Variants in RSRC1 observed in about 807,000 individuals in gnomAD.
The protein encoded by RSRC1 is serine/Arginine-related protein 53.
A neutral mutation model predicts 49.1 loss-of-function variants in RSRC1; 39 were observed. The ratio of observed to expected loss-of-function variants is 0.79; its 90% CI spans 0.61 to 1.04. RSRC1 has a LOEUF of 1.04. Ranked by LOEUF, RSRC1 falls within the 50% of genes least tolerant of loss-of-function variation. RSRC1 has a pLI of 0.00. For synonymous variants in RSRC1, 143 were observed against 130.8 expected (o/e 1.09, Z -0.63); for missense variants, 388 against 402.4 (o/e 0.96, Z 0.31).
chr3:158,351,309 A>G (rs1444274893), intron 5 of RSRC1, among the ~76,000 whole-genome samples: 1 of 152,206 alleles, frequency 6.6e-6, no homozygotes, highest in Non-Finnish European at 1.5e-5. Flanking sequence ...TATTCATTCA[A>G]CTTATTCACC....
In RSRC1 at chr3:158,118,462, TGC is replaced by T. The variant is rs1378375739; in HGVS notation, c.-2-3637_-2-3636del. Reference sequence around the variant, plus strand: ...GTGTGTGTGTGTGTGTGTGTGTGTGTGCGCGTGCGCGTGGTTTTTTTAAATTG... The same window carrying T: ...GTGTGTGTGTGTGTGTGTGTGTGTGTGCGTGCGCGTGGTTTTTTTAAATTG... On this transcript the variant is annotated intron_variant, in intron 1 of 9. Coordinates refer to ENST00000611884, the MANE Select transcript of RSRC1 (RefSeq NM_001271838.2). Among the ~76,000 whole-genome samples the T allele has an allele frequency of 3.3e-3, 406 of 124,700 alleles. 5 individuals are homozygous for T. The highest frequency in any genetic ancestry group is 9.9e-3 in the African/African-American group (300 of 30,244). The allele number at this position is 124,700 out of a possible 152,430, so 81.8% of individuals were successfully genotyped here. A position where few individuals can be genotyped will look rare whatever the true frequency, so the allele number is the denominator to read the frequency against.
At chr3:158,236,428 T>C (rs1287178537) in intron 4 of RSRC1, among the ~76,000 whole-genome samples, 1 of 152,226 alleles carries the variant, frequency 6.6e-6, no homozygotes, top group Non-Finnish European at 1.5e-5. Flanking sequence ...AACCCACACC[T>C]TATCTCTTTT....
chr3:158,509,266 G>GT (rs1430556377), intron 7 of RSRC1, among the ~76,000 whole-genome samples: 2 of 152,074 alleles, frequency 1.3e-5, no homozygotes, highest in Non-Finnish European at 2.9e-5. Flanking sequence ...GTTTTTAACT[G>GT]TTTTTATTAA....
At chr3:158,169,569 TCTC>T (rs1718748286) in intron 3 of RSRC1, among the ~76,000 whole-genome samples, 1 of 152,142 alleles carries the variant, frequency 6.6e-6, no homozygotes, top group Non-Finnish European at 1.5e-5. Flanking sequence ...TCTTTAAACT[TCTC>T]CTAGAGTACA....
chr3:158,330,028 C>T (rs543766022), intron 5 of RSRC1, among the ~76,000 whole-genome samples: 2 of 152,326 alleles, frequency 1.3e-5, no homozygotes, highest in South Asian at 2.1e-4. Context: ...TTGGACCCTC[C>T]GAGCCAGGCG....
intron 4 of RSRC1, among the ~76,000 whole-genome samples, chr3:158,252,710 G>C (rs192815801): frequency 1.5e-4 from 23 of 152,260 alleles, no homozygotes; most frequent in Admixed American, 1.0e-3. Flanking sequence ...AAGCCATTGA[G>C]TCATGGGCTT....
At chr3:158,310,967 A>C (rs1274964481) in intron 5 of RSRC1, among the ~76,000 whole-genome samples, 1 of 151,586 alleles carries the variant, frequency 6.6e-6, no homozygotes, top group Non-Finnish European at 1.5e-5. Context: ...ATACTAATCT[A>C]CTCTCCTCGT....
At chr3:158,524,286 A>T (rs565682828) in intron 7 of RSRC1, among the ~76,000 whole-genome samples, 1 of 152,130 alleles carries the variant, frequency 6.6e-6, no homozygotes, top group South Asian at 2.1e-4. Flanking sequence ...AGTCCTCTTC[A>T]ATTAGGGCAC....
chr3:158,165,433 CT>C lies in RSRC1; in HGVS notation c.321-37638del, dbSNP rs2108230577. Among the ~76,000 whole-genome samples, 3 of 152,274 alleles carry C rather than the reference CT, an allele frequency of 2.0e-5. No homozygotes were observed. The East Asian group carries it at 5.8e-4, about 29-fold the overall frequency. ...CACCAAAATGACTGCCTAATTATTT[CT>C]AATTGGCAGGACTCTGTGTAGTCAT... On this transcript the variant is annotated intron_variant, in intron 3 of 9. Transcript: ENST00000611884.
intron 5 of RSRC1, among the ~76,000 whole-genome samples, chr3:158,317,760 A>G (rs1414116263): frequency 6.6e-6 from 1 of 151,500 alleles, no homozygotes; most frequent in Non-Finnish European, 1.5e-5. Context: ...GGGTCTCACC[A>G]TGTTGCCCAG....
In RSRC1 at chr3:158,123,924, A is replaced by G; in HGVS notation, c.253A>G (p.Ser85Gly). ...TGGCTCCAGAAGGAAACGAAGTCGA[A>G]GTCGTTCAAGGGGTCGAGGGAAATC... Reference protein sequence around the residue: ...SYGSRRKRSRSRSRGRGKSYR... With the variant: ...SYGSRRKRSRGRSRGRGKSYR... The change falls in exon 3 of 10, where the codon AGT (serine) becomes GGT (glycine). Residue 85 changes from serine to glycine, a missense_variant. Ser to Gly is a moderately conservative substitution (Grantham distance 56). Transcript: ENST00000611884. The G allele has an allele frequency of 1.2e-6, 2 of 1,613,100 alleles. No individual in the cohort carries two copies. The highest frequency in any genetic ancestry group is 1.1e-5 in the South Asian group (1 of 91,032).
At chr3:158,147,704 T>G (rs1717232246) in intron 3 of RSRC1, among the ~76,000 whole-genome samples, 1 of 152,190 alleles carries the variant, frequency 6.6e-6, no homozygotes, top group Non-Finnish European at 1.5e-5. Flanking sequence ...CCCAGTTTCC[T>G]ACTACATTAT....
In RSRC1 at chr3:158,353,992, T is replaced by TTTC. The variant is rs1285561907; in HGVS notation, c.532-862_532-860dup. ...TGGTAGGAAATTAGTTTAGTTTCTTTTTCTTTTTTTTTTTTTTTTTTTTTG... is the reference window on the plus strand; with the variant it reads ...TGGTAGGAAATTAGTTTAGTTTCTTTTTCTTCTTTTTTTTTTTTTTTTTTTTTG... On this transcript the variant is annotated intron_variant, in intron 5 of 9. Coordinates refer to ENST00000611884, the MANE Select transcript of RSRC1 (RefSeq NM_001271838.2). Among the ~76,000 whole-genome samples the TTTC allele has an allele frequency of 7.9e-3, 1,008 of 127,268 alleles. 16 individuals carry two copies. Among genetic ancestry groups the TTTC allele is most frequent in the Non-Finnish European group, 0.014 (819 of 59,422 alleles). 83.5% of individuals were successfully genotyped at this position (127,268 alleles called of 152,430 possible). A position where few individuals can be genotyped will look rare whatever the true frequency, so the allele number is the denominator to read the frequency against.
intron 4 of RSRC1, among the ~76,000 whole-genome samples, chr3:158,278,882 C>A (rs1725970562): frequency 6.6e-6 from 1 of 152,052 alleles, no homozygotes; most frequent in Non-Finnish European, 1.5e-5. Context: ...TGGACTATTG[C>A]TTTCCTGTGA....
intron 6 of RSRC1, among the ~76,000 whole-genome samples, chr3:158,363,318 C>T (rs1326452351): frequency 6.7e-6 from 1 of 148,548 alleles, no homozygotes; most frequent in African/African-American, 2.5e-5. Context: ...GGCTGGAGTA[C>T]AGTGGCACAA....
At chr3:158,461,095 T>C in intron 7 of RSRC1, 92 bp downstream of exon 7, 1 of 814,130 alleles carries the variant, frequency 1.2e-6, no homozygotes, top group Non-Finnish European at 1.9e-6. Flanking sequence ...CCTTAAGGGT[T>C]ACTTCATGCT....
chr3:158,389,448 A>G (rs1733152474), intron 6 of RSRC1, among the ~76,000 whole-genome samples: 1 of 152,224 alleles, frequency 6.6e-6, no homozygotes, highest in South Asian at 2.1e-4. Context: ...TATATATTTA[A>G]CATTTTGAAA....
At chr3:158,435,130 T>C (rs978030071) in intron 6 of RSRC1, among the ~76,000 whole-genome samples, 3 of 151,944 alleles carry the variant, frequency 2.0e-5, no homozygotes, top group African/African-American at 7.2e-5. Context: ...ACTGACTGAT[T>C]TGTAGTTTGA....
intron 6 of RSRC1, among the ~76,000 whole-genome samples, chr3:158,404,739 A>G (rs774206642): frequency 1.4e-4 from 21 of 152,030 alleles, no homozygotes; most frequent in Admixed American, 2.6e-4. Flanking sequence ...ACTGAAGTAT[A>G]GCAAGGATAT....
Sources: gnomAD v4.1 joint callset for allele counts (sites outside exome capture counted in the v4.1 genomes callset) on GRCh38, gnomAD v4.1.1 for gene constraint, MANE v1.5 for transcripts, NCBI Gene and HGNC (gene_info 2026-07-23, HGNC 2026-07-21) for gene names.